The following DGCR2 variants were observed in gnomAD, a reference collection of about 807,000 sequenced individuals.
The protein encoded by DGCR2 is integral membrane protein DGCR2/IDD.
DGCR2 carries 24 observed loss-of-function variants against 51.6 expected under a neutral mutation model. The ratio of observed to expected loss-of-function variants is 0.47; its 90% CI spans 0.34 to 0.65. The LOEUF (loss-of-function observed/expected upper bound fraction) is 0.65. DGCR2 is among the 30% of genes least tolerant of loss of function. The probability of loss-of-function intolerance (pLI) is 0.01; values close to 1 mark genes in which losing one functional copy is unlikely to be tolerated. For missense variants in DGCR2, 765 were observed against 772.1 expected (o/e 0.99, Z 0.11); for synonymous variants, 340 against 315.4 (o/e 1.08, Z -0.82).
At chr22:19,045,958 T>C (rs1038309207) in intron 7 of DGCR2, among the ~76,000 whole-genome samples, 3 of 152,106 alleles carry the variant, frequency 2.0e-5, no homozygotes, top group Non-Finnish European at 2.9e-5. Context: ...AAACTCCTGA[T>C]CTCAAGTGAT....
At chr22:19,077,370 GC>G (rs1196260709) in intron 2 of DGCR2, among the ~76,000 whole-genome samples, 8 of 152,276 alleles carry the variant, frequency 5.3e-5, no homozygotes, top group African/African-American at 1.9e-4. Context: ...TATATCATTA[GC>G]TAAGGGTCTA....
intron 9 of DGCR2, among the ~76,000 whole-genome samples, chr22:19,039,689 G>A (rs945307799): frequency 2.6e-5 from 4 of 152,276 alleles, no homozygotes; most frequent in African/African-American, 9.6e-5. Context: ...CAGTCGACTC[G>A]CTTTGTTTTG....
At chr22:19,071,280 G>C (rs1469499237) in intron 2 of DGCR2, among the ~76,000 whole-genome samples, 1 of 152,242 alleles carries the variant, frequency 6.6e-6, no homozygotes, top group Non-Finnish European at 1.5e-5. Context: ...ACACACTGGA[G>C]AGCAAGTTCA....
At chr22:19,084,628 G>A (rs2082988294) in intron 2 of DGCR2, among the ~76,000 whole-genome samples, 1 of 151,154 alleles carries the variant, frequency 6.6e-6, no homozygotes, top group African/African-American at 2.4e-5. Flanking sequence ...GGGAAGTGAG[G>A]AGCGTCTCCG....
chr22:19,090,745 A>T (rs2083069133), intron 1 of DGCR2, among the ~76,000 whole-genome samples: 1 of 152,202 alleles, frequency 6.6e-6, no homozygotes, highest in Non-Finnish European at 1.5e-5. Context: ...GAACCCGACT[A>T]AAATAACACA....
intron 1 of DGCR2, among the ~76,000 whole-genome samples, chr22:19,090,785 G>A (rs1424048359): frequency 4.1e-5 from 6 of 145,956 alleles, no homozygotes; most frequent in African/African-American, 1.5e-4. Context: ...CAACATAGAA[G>A]AGAATAAAAA....
Position 19,122,241 on chromosome 22 carries a change from A to G in DGCR2, c.-35T>C. 7.1e-7 allele frequency: 1 copy of G among 1,403,908 alleles called. No homozygotes were observed. 87.0% of individuals were successfully genotyped at this position (1,403,908 alleles called of 1,614,324 possible). On this transcript the variant is annotated 5_prime_UTR_variant, in exon 1 of 10. Coordinates refer to ENST00000263196, the MANE Select transcript of DGCR2 (RefSeq NM_005137.3). ...GTTCATCGTCCCCGGGGCGGCTGGA[A>G]GGCCGGACCAGGCCGGACTGAGGGT...
rs1221394119 is a variant in DGCR2, at chr22:19,093,463, T to C, written c.80-3973A>G. ...ACACAAGAAGAAAATCTTCGCACCCTTGGTTTAAGCAAATACCTTTAATAT... is the reference window on the plus strand; with the variant it reads ...ACACAAGAAGAAAATCTTCGCACCCCTGGTTTAAGCAAATACCTTTAATAT... On this transcript the variant is annotated intron_variant, in intron 1 of 9. Coordinates refer to ENST00000263196, the MANE Select transcript of DGCR2 (RefSeq NM_005137.3). 2.0e-5 allele frequency among the ~76,000 whole-genome samples: 3 copies of C among 152,048 alleles called. No homozygotes were observed. The East Asian group carries it at 5.8e-4, about 29-fold the overall frequency.
At chr22:19,086,699 G>A (rs768860760) in intron 2 of DGCR2, among the ~76,000 whole-genome samples, 8 of 152,080 alleles carry the variant, frequency 5.3e-5, no homozygotes, top group Non-Finnish European at 8.8e-5. Flanking sequence ...CCCTGGTGCA[G>A]GCCACCACTC....
chr22:19,087,947 A>C (rs1269959902), intron 2 of DGCR2, among the ~76,000 whole-genome samples: 1 of 152,082 alleles, frequency 6.6e-6, no homozygotes. Context: ...AGCCTCCCAA[A>C]GTGTTGGGTT....
At chr22:19,090,196 G>C (rs1408294743) in intron 1 of DGCR2, among the ~76,000 whole-genome samples, 1 of 152,202 alleles carries the variant, frequency 6.6e-6, no homozygotes, top group Non-Finnish European at 1.5e-5. Flanking sequence ...AGGAAAAAAT[G>C]TGCAAATCAT....
intron 6 of DGCR2, among the ~76,000 whole-genome samples, chr22:19,049,070 T>G (rs879178154): frequency 1.3e-5 from 2 of 152,144 alleles, no homozygotes; most frequent in African/African-American, 2.4e-5. Flanking sequence ...CCAGGGCAAA[T>G]GGAGGCCGGA....
chr22:19,065,574 A>C (rs769939883), intron 3 of DGCR2, among the ~76,000 whole-genome samples: 1,615 of 152,082 alleles, frequency 0.011, 23 homozygotes, highest in Admixed American at 0.019. Flanking sequence ...ACACTGTGTG[A>C]CCCGCCCCTG....
chr22:19,048,680 T>C, intron 6 of DGCR2, 37 bp from the exon 7 acceptor site: 1 of 1,602,640 alleles, frequency 6.2e-7, no homozygotes, highest in Non-Finnish European at 8.5e-7. Flanking sequence ...ATGTATACAA[T>C]GCCAAAAAAG....
At chr22:19,067,995 G>C in intron 3 of DGCR2, 105 bp downstream of exon 3, 1 of 1,398,640 alleles carries the variant, frequency 7.1e-7, no homozygotes, top group East Asian at 2.6e-5. Flanking sequence ...GCCTCCAAGG[G>C]CTGCTTTGAG....
chr22:19,070,282 G>T (rs2082799559), intron 2 of DGCR2, among the ~76,000 whole-genome samples: 1 of 152,230 alleles, frequency 6.6e-6, no homozygotes, highest in African/African-American at 2.4e-5. Flanking sequence ...TGGAAGCTGA[G>T]AAAGAACAGA....
chr22:19,093,657 T>A (rs1348633241), intron 1 of DGCR2, among the ~76,000 whole-genome samples: 1 of 152,084 alleles, frequency 6.6e-6, no homozygotes, highest in Non-Finnish European at 1.5e-5. Flanking sequence ...GTAACCAGAA[T>A]ATATAAAGCA....
chr22:19,106,979 G>C (rs2083266789), intron 1 of DGCR2, among the ~76,000 whole-genome samples: 1 of 151,926 alleles, frequency 6.6e-6, no homozygotes, highest in South Asian at 2.1e-4. Context: ...GTCTGGTGCA[G>C]AGCCAAGGAT....
intron 9 of DGCR2, among the ~76,000 whole-genome samples, chr22:19,040,836 C>T (rs1021832265): frequency 4.6e-5 from 7 of 152,182 alleles, no homozygotes; most frequent in South Asian, 2.1e-4. Flanking sequence ...GGTCCCAGGC[C>T]TTCTCAGAGC....
Sources: allele counts gnomAD v4.1 joint callset (sites outside exome capture counted in the v4.1 genomes callset), GRCh38; gene constraint gnomAD v4.1.1; transcripts MANE v1.5; gene names NCBI Gene and HGNC (gene_info 2026-07-23, HGNC 2026-07-21).